The following ADH4 variants were observed in gnomAD, a reference collection of about 807,000 sequenced individuals.
ADH4 encodes alcohol dehydrogenase 4 (class II), pi polypeptide, also known as all-trans-retinol dehydrogenase [NAD(+)] ADH4.
ADH4 carries 31 observed loss-of-function variants against 35.2 expected under a neutral mutation model. That is an observed-to-expected ratio of 0.88 (90% CI 0.66 to 1.19). The LOEUF is 1.19. Among genes scored for constraint, ADH4 ranks in the 50% most tolerant of loss-of-function variants. The probability of loss-of-function intolerance (pLI) is 0.00; values close to 1 mark genes in which losing one functional copy is unlikely to be tolerated. For synonymous variants in ADH4, 171 were observed against 160.2 expected (o/e 1.07, Z -0.51); for missense variants, 476 against 458.3 (o/e 1.04, Z -0.35).
chr4:99,139,075 C>G lies in ADH4; in HGVS notation c.336G>C (p.Leu112Phe). The G allele has an allele frequency of 6.2e-7, 1 of 1,612,736 alleles. No individual in the cohort carries two copies. The highest frequency in any genetic ancestry group is 8.5e-7 in the Non-Finnish European group (1 of 1,179,220). ...AGAGTGCTTACCTGATTTTCCCACA[C>G]AAATTTGTGAGTGGACTCAGACAAA... ...CKFCLSPLTN[L>F]CGKISNLKSP... is the part of the protein sequence containing the mutation. Residue 112 changes from leucine to phenylalanine, a missense_variant, in exon 4 of 9, where the codon TTG (leucine) becomes TTC (phenylalanine). Coordinates refer to ENST00000265512, the MANE Select transcript of ADH4 (RefSeq NM_000670.5).
At position 99,141,446 on chromosome 4, in the gene ADH4, T is replaced by C. The variant is rs1007698656; in HGVS notation, c.262+95A>G. ...GGAAAAGATGGTCCCCTTTTGTAAA[T>C]AGAGATCAATTATAGCATGCCAAGC... On this transcript the variant is annotated intron_variant, in intron 3 of 8. Coordinates refer to ENST00000265512, the MANE Select transcript of ADH4 (RefSeq NM_000670.5). The C allele has an allele frequency of 9.6e-6, 12 of 1,248,434 alleles. No individual in the cohort carries two copies. In the African/African-American group the frequency reaches 1.4e-4, roughly 14 times the overall value. The allele number at this position is 1,248,434 out of a possible 1,614,324, so 77.3% of individuals were successfully genotyped here.
Position 99,124,181 on chromosome 4 carries a change from C to T in ADH4, c.*261G>A, listed in dbSNP as rs573815821. On this transcript the variant is annotated 3_prime_UTR_variant, in exon 9 of 9. Coordinates refer to ENST00000265512, the MANE Select transcript of ADH4 (RefSeq NM_000670.5). ...TCTCTTCATTCCCCACTTTCAACTT[C>T]CCAGAACTAATTTTAAACAATTTCT... 8.8e-6 allele frequency: 3 copies of T among 340,878 alleles called. No homozygotes were observed. Among genetic ancestry groups the T allele is most frequent in the African/African-American group, 4.3e-5 (2 of 46,204 alleles). 21.1% of individuals were successfully genotyped at this position (340,878 alleles called of 1,614,324 possible). A position where few individuals can be genotyped will look rare whatever the true frequency, so the allele number is the denominator to read the frequency against.
chr4:99,125,250 C>A (rs1729049542), intron 8 of ADH4, among the ~76,000 whole-genome samples: 1 of 152,216 alleles, frequency 6.6e-6, no homozygotes, highest in African/African-American at 2.4e-5. Context: ...CAACTTCTGC[C>A]TTCCTCATTG....
chr4:99,129,272 T>C (rs1729198409), intron 6 of ADH4, among the ~76,000 whole-genome samples: 1 of 152,024 alleles, frequency 6.6e-6, no homozygotes, highest in Admixed American at 6.6e-5. Context: ...AAAAGAATCT[T>C]ATGGTAAAAT....
intron 6 of ADH4, 48 bp from the exon 7 acceptor site, chr4:99,127,392 A>G: frequency 6.8e-7 from 1 of 1,481,066 alleles, no homozygotes; most frequent in Non-Finnish European, 9.2e-7. Flanking sequence ...AAAGTAGAAT[A>G]TGAACTCCAG....
intron 5 of ADH4, among the ~76,000 whole-genome samples, chr4:99,135,837 T>C (rs1729416985): frequency 6.6e-6 from 1 of 152,204 alleles, no homozygotes; most frequent in Non-Finnish European, 1.5e-5. Flanking sequence ...ATAAGCAGGT[T>C]GAGATGTCCA....
chr4:99,127,766 A>G (rs1433264188), intron 6 of ADH4, among the ~76,000 whole-genome samples: 3 of 151,502 alleles, frequency 2.0e-5, no homozygotes, highest in African/African-American at 7.3e-5. Context: ...GAGGAGGAGG[A>G]GGTTGCAGTG....
In ADH4 at chr4:99,131,781, T is replaced by C. The variant is rs1214198697; in HGVS notation, c.583-17A>G. On this transcript the variant is annotated splice_polypyrimidine_tract_variant and intron_variant, in intron 5 of 8. Coordinates refer to ENST00000265512, the MANE Select transcript of ADH4 (RefSeq NM_000670.5). Reference sequence around the variant, plus strand: ...AGGGGTGACCTGCAAGCAGGAAAATTATAAAGTAACTTCTAAAGCAGCCAG... The same window carrying C: ...AGGGGTGACCTGCAAGCAGGAAAATCATAAAGTAACTTCTAAAGCAGCCAG... 1 of 1,606,042 alleles carries C rather than the reference T, an allele frequency of 6.2e-7. No individual in the cohort carries two copies. The highest frequency in any genetic ancestry group is 8.5e-7 in the Non-Finnish European group (1 of 1,176,914).
Position 99,127,255 on chromosome 4 carries a change from T to G in ADH4, c.933A>C (p.Pro311=). ...AAGSKGLTIF[P]EELIIGRTIN... ...TAGTACGGCCGATTATTAGCTCCTC[T>G]GGAAAAATAGTCAATCCTTTGCTAC... Residue 311 remains proline, a synonymous_variant, in exon 7 of 9, where the codon CCA becomes CCC. Coordinates refer to ENST00000265512, the MANE Select transcript of ADH4 (RefSeq NM_000670.5). 2.5e-6 allele frequency: 4 copies of G among 1,611,700 alleles called. No individual in the cohort carries two copies. The highest frequency in any genetic ancestry group is 3.4e-6 in the Non-Finnish European group (4 of 1,178,658).
In ADH4 at chr4:99,139,259, G is replaced by GAATA; in HGVS notation, c.263-112_263-111insTATT. 1.4e-5 allele frequency: 9 copies of GAATA among 652,412 alleles called. No individual in the cohort carries two copies. The South Asian group carries it at 1.7e-4, about 12-fold the overall frequency. 40.4% of individuals were successfully genotyped at this position (652,412 alleles called of 1,614,324 possible). On this transcript the variant is annotated intron_variant, in intron 3 of 8. Transcript: ENST00000265512. ...TTATAGTATACATTTTATATTCAGT[G>GAATA]GAAAGTATAGGTGGCTACAGTATTT...
At chr4:99,130,163 A>C (rs765485317) in intron 6 of ADH4, among the ~76,000 whole-genome samples, 1 of 152,230 alleles carries the variant, frequency 6.6e-6, no homozygotes, top group Non-Finnish European at 1.5e-5. Context: ...TATTTGGCTA[A>C]ATAAGTAACT....
chr4:99,137,988 T>C (rs28987088), intron 4 of ADH4, among the ~76,000 whole-genome samples: 31,962 of 152,162 alleles, frequency 0.21, 4,034 homozygotes, highest in Non-Finnish European at 0.28. Context: ...ATAGAGTTTT[T>C]CTCATTCTGA....
intron 5 of ADH4, 141 bp from the exon 6 acceptor site, chr4:99,131,905 G>A (rs920237908): frequency 7.1e-6 from 6 of 840,268 alleles, no homozygotes; most frequent in Non-Finnish European, 1.1e-5. Context: ...GCCAATGGAG[G>A]AAATCTGCCA....
chr4:99,124,822 T>C (rs1352096840), intron 8 of ADH4, among the ~76,000 whole-genome samples: 1 of 152,126 alleles, frequency 6.6e-6, no homozygotes, highest in Non-Finnish European at 1.5e-5. Context: ...AAGTTGAGCA[T>C]TGAAGGAGGG....
intron 5 of ADH4, 121 bp from the exon 6 acceptor site, chr4:99,131,885 C>A: frequency 9.5e-7 from 1 of 1,051,578 alleles, no homozygotes; most frequent in Non-Finnish European, 1.3e-6. Context: ...CTATTAAACT[C>A]TATGATATAG....
chr4:99,130,269 G>A (rs1284777113), intron 6 of ADH4, among the ~76,000 whole-genome samples: 1 of 152,096 alleles, frequency 6.6e-6, no homozygotes, highest in African/African-American at 2.4e-5. Context: ...TCTAAATTAA[G>A]TCTCTGACTT....
intron 6 of ADH4, among the ~76,000 whole-genome samples, chr4:99,127,910 G>A (rs976287688): frequency 1.3e-5 from 2 of 151,476 alleles, no homozygotes; most frequent in Non-Finnish European, 2.9e-5. Context: ...AAGTAAATAA[G>A]TTTTATATTT....
At chr4:99,142,151 A>T (rs1392933978) in intron 2 of ADH4, among the ~76,000 whole-genome samples, 2 of 152,200 alleles carry the variant, frequency 1.3e-5, no homozygotes, top group African/African-American at 4.8e-5. Flanking sequence ...GGAAAATATA[A>T]GCCTGGTCAG....
In ADH4 at chr4:99,141,451, A is replaced by G. The variant is rs1729613072; in HGVS notation, c.262+90T>C. On this transcript the variant is annotated intron_variant, in intron 3 of 8. Transcript: ENST00000265512. ...AGATGGTCCCCTTTTGTAAATAGAG[A>G]TCAATTATAGCATGCCAAGCCAGGA... 2.3e-6 allele frequency: 3 copies of G among 1,287,934 alleles called. No individual in the cohort carries two copies. The South Asian group carries it at 5.4e-5, about 23-fold the overall frequency. The allele number at this position is 1,287,934 out of a possible 1,614,324, so 79.8% of individuals were successfully genotyped here.
Sources: gnomAD v4.1 joint callset for allele counts (sites outside exome capture counted in the v4.1 genomes callset) on GRCh38, gnomAD v4.1.1 for gene constraint, MANE v1.5 for transcripts, NCBI Gene and HGNC (gene_info 2026-07-23, HGNC 2026-07-21) for gene names.